Variants in SLC17A1 observed in about 807,000 individuals in gnomAD.
SLC17A1 encodes the protein solute carrier family 17 member 1, also known as sodium-dependent phosphate transport protein 1.
Under a neutral mutation model 53.5 loss-of-function variants are expected in SLC17A1, and 51 were observed. The ratio of observed to expected loss-of-function variants is 0.95; its 90% CI spans 0.76 to 1.20. The LOEUF (loss-of-function observed/expected upper bound fraction) is 1.20, where lower values mean the gene tolerates loss of function less well. Among genes scored for constraint, SLC17A1 ranks in the 50% most tolerant of loss-of-function variants. The pLI, the probability that SLC17A1 is intolerant of heterozygous loss-of-function variation, is 0.00. For synonymous variants in SLC17A1, 179 were observed against 198.8 expected, an observed-to-expected ratio of 0.90 and a Z score of 0.84; for missense variants, 538 against 568.2, an observed-to-expected ratio of 0.95 and a Z score of 0.54.
At chr6:25,731,919 G>A in the SLC17A1 span, 22 of 1,601,960 alleles carry the variant, frequency 1.4e-5, no homozygotes, top group Middle Eastern at 1.7e-4. Context: ...GTCATAATGC[G>A]CCAGGCGGGA....
the SLC17A1 span, chr6:25,770,623 C>T: frequency 1.4e-6 from 1 of 700,618 alleles, no homozygotes; most frequent in Non-Finnish European, 2.5e-6. Flanking sequence ...TTGATTGTAA[C>T]TGAATAAACT....
chr6:25,805,107 T>C (rs1581467271), intron 10 of SLC17A1, among the ~76,000 whole-genome samples: 1 of 152,074 alleles, frequency 6.6e-6, no homozygotes, highest in Admixed American at 6.5e-5. Context: ...CATGAAACAT[T>C]ATCCAAGATA....
At position 25,811,663 on chromosome 6, in the gene SLC17A1, A is replaced by G; in HGVS notation, c.1005T>C (p.Ala335=). Reference sequence around the variant, plus strand: ...CTGCTGCTGTGAAGAGTTTCCGGACAGCAATTACGCTGAGAATATTCCTGG... The same window carrying G: ...CTGCTGCTGTGAAGAGTTTCCGGACGGCAATTACGCTGAGAATATTCCTGG... ...FLTRNILSVI[A]VRKLFTAAGF... is the part of the protein sequence containing the mutation. The change falls in exon 9 of 13, where the codon GCT becomes GCC. Residue 335 remains alanine, a synonymous_variant. Coordinates refer to ENST00000244527, the MANE Select transcript of SLC17A1 (RefSeq NM_005074.5). The G allele has an allele frequency of 6.2e-7, 1 of 1,613,982 alleles. No individual in the cohort carries two copies. Among genetic ancestry groups the G allele is most frequent in the Non-Finnish European group, 8.5e-7 (1 of 1,179,874 alleles).
the SLC17A1 span, among the ~76,000 whole-genome samples, chr6:25,743,179 C>CT: frequency 4.6e-5 from 7 of 151,958 alleles, no homozygotes; most frequent in Non-Finnish European, 7.4e-5. Flanking sequence ...TTGAGTACTA[C>CT]TTTTTTTTGT....
chr6:25,782,038 G>C (rs150242089), downstream of SLC17A1, among the ~76,000 whole-genome samples: 18 of 152,330 alleles, frequency 1.2e-4, no homozygotes, highest in African/African-American at 4.3e-4. Context: ...TCCTGAGAAG[G>C]TTGTGACAAG....
At chr6:25,745,798 C>A in the SLC17A1 span, among the ~76,000 whole-genome samples, 1 of 152,218 alleles carries the variant, frequency 6.6e-6, no homozygotes, top group Non-Finnish European at 1.5e-5. Flanking sequence ...GCTGAAAGGT[C>A]TGAGGGACCA....
the SLC17A1 span, among the ~76,000 whole-genome samples, chr6:25,761,586 A>T: frequency 1.3e-5 from 2 of 152,340 alleles, no homozygotes; most frequent in South Asian, 4.2e-4. Context: ...CTCCTAGATG[A>T]AATTTCAAAT....
chr6:25,730,197 A>T, the SLC17A1 span, among the ~76,000 whole-genome samples: 1 of 152,222 alleles, frequency 6.6e-6, no homozygotes, highest in Non-Finnish European at 1.5e-5. Context: ...TCTCAAAGAG[A>T]TATCTGTACT....
At chr6:25,763,785 T>C in the SLC17A1 span, among the ~76,000 whole-genome samples, 1 of 152,250 alleles carries the variant, frequency 6.6e-6, no homozygotes, top group Non-Finnish European at 1.5e-5. Context: ...TCAGTGTCAG[T>C]TAGGGATTTC....
the SLC17A1 span, among the ~76,000 whole-genome samples, chr6:25,775,465 T>C: frequency 1.3e-5 from 2 of 152,170 alleles, no homozygotes; most frequent in Non-Finnish European, 2.9e-5. Context: ...AGACAACGTC[T>C]CACTGTGTTG....
the SLC17A1 span, among the ~76,000 whole-genome samples, chr6:25,728,809 G>A: frequency 6.6e-6 from 1 of 152,140 alleles, no homozygotes; most frequent in Non-Finnish European, 1.5e-5. Flanking sequence ...GCGAGACTCC[G>A]TCTCAAACAC....
chr6:25,737,054 C>T, the SLC17A1 span, among the ~76,000 whole-genome samples: 1 of 152,136 alleles, frequency 6.6e-6, no homozygotes, highest in Non-Finnish European at 1.5e-5. Context: ...TTATAATAGC[C>T]CTTCTCAATA....
chr6:25,819,272 C>A (rs1180923143), intron 5 of SLC17A1, 118 bp from the exon 6 acceptor site: 1 of 719,382 alleles, frequency 1.4e-6, no homozygotes, highest in Non-Finnish European at 2.3e-6. Flanking sequence ...TATCATAACA[C>A]AAACATCAGA....
intron 11 of SLC17A1, among the ~76,000 whole-genome samples, chr6:25,800,438 T>C (rs9461213): frequency 0.014 from 2,122 of 152,178 alleles, 29 homozygotes; most frequent in African/African-American, 0.038. Context: ...TCAGTGTCCT[T>C]AAAAGGAAGA....
the SLC17A1 span, chr6:25,770,242 C>A: frequency 1.2e-6 from 2 of 1,614,126 alleles, no homozygotes; most frequent in South Asian, 2.2e-5. Context: ...ATTCCACTGG[C>A]AGCTAATGCG....
intron 6 of SLC17A1, among the ~76,000 whole-genome samples, 181 bp from the exon 7 acceptor site, chr6:25,813,394 A>G (rs1008747836): frequency 6.6e-6 from 1 of 152,142 alleles, no homozygotes; most frequent in Non-Finnish European, 1.5e-5. Flanking sequence ...TCCCTACTAG[A>G]AATGGGATAA....
At chr6:25,755,082 C>T in the SLC17A1 span, among the ~76,000 whole-genome samples, 4 of 144,030 alleles carry the variant, frequency 2.8e-5, no homozygotes, top group African/African-American at 1.0e-4. Context: ...CACACACACA[C>T]AGAGGAAGAA....
chr6:25,790,075 G>A (rs1211478722), intron 12 of SLC17A1, among the ~76,000 whole-genome samples: 1 of 152,054 alleles, frequency 6.6e-6, no homozygotes, highest in African/African-American at 2.4e-5. Flanking sequence ...AAACTTTCCT[G>A]TACCTTGAGA....
chr6:25,791,082 G>A (rs1362733081), intron 12 of SLC17A1, among the ~76,000 whole-genome samples: 2 of 152,150 alleles, frequency 1.3e-5, no homozygotes, highest in Non-Finnish European at 2.9e-5. Flanking sequence ...ACTTGACTGA[G>A]GAAAACCTGA....
Sources: allele counts gnomAD v4.1 joint callset (sites outside exome capture counted in the v4.1 genomes callset), GRCh38; gene constraint gnomAD v4.1.1; transcripts MANE v1.5; gene names NCBI Gene and HGNC (gene_info 2026-07-23, HGNC 2026-07-21).